OR2L13: variants seen among roughly 807,000 people sequenced by gnomAD.
OR2L13 encodes olfactory receptor 2L13.
In OR2L13, 14 loss-of-function variants were observed where a neutral mutation model predicts 15.3. That is an observed-to-expected ratio of 0.91 (90% confidence interval 0.60 to 1.43). The LOEUF (loss-of-function observed/expected upper bound fraction) is 1.43. OR2L13 is among the 40% of genes most tolerant of loss of function. The pLI, the probability that OR2L13 is intolerant of heterozygous loss-of-function variation, is 0.00. For synonymous variants in OR2L13, 152 were observed against 142.9 expected (o/e 1.06, Z -0.45); for missense variants, 367 against 387.9 (o/e 0.95, Z 0.45).
upstream of OR2L13, among the ~76,000 whole-genome samples, chr1:248,094,495 G>A (rs766828850): frequency 6.6e-6 from 1 of 152,150 alleles, no homozygotes; most frequent in Non-Finnish European, 1.5e-5. Context: ...TAGTCCAGTT[G>A]TAAAGATTAG....
At chr1:248,100,763 T>C (rs1293714961) in exon 3 of OR2L13, 1 of 168,090 alleles carries the variant, frequency 5.9e-6, no homozygotes, top group African/African-American at 2.4e-5. Flanking sequence ...TCAGTGTCTA[T>C]AGTGTTGGAC....
At chr1:248,044,519 C>T in the OR2L13 span, among the ~76,000 whole-genome samples, 1 of 128,654 alleles carries the variant, frequency 7.8e-6, no homozygotes, top group East Asian at 2.2e-4. Context: ...AAACGCCTTC[C>T]CCGGCCGGGC....
the OR2L13 span, among the ~76,000 whole-genome samples, chr1:247,988,827 C>T: frequency 5.1e-3 from 774 of 152,282 alleles, 8 homozygotes; most frequent in African/African-American, 0.018. Context: ...CAAACCCCTT[C>T]TTTTGAAGGA....
the OR2L13 span, among the ~76,000 whole-genome samples, chr1:248,014,959 G>C: frequency 6.4e-4 from 97 of 152,132 alleles, no homozygotes; most frequent in Middle Eastern, 6.8e-3. Context: ...ACAGTCAAAG[G>C]ATACTTCATA....
the OR2L13 span, chr1:247,949,438 A>G: frequency 3.4e-5 from 55 of 1,595,086 alleles, no homozygotes; most frequent in Non-Finnish European, 4.3e-5. Context: ...ACCTGGGTCT[A>G]TGAGGGCACA....
At chr1:247,963,454 C>T in the OR2L13 span, among the ~76,000 whole-genome samples, 1 of 152,146 alleles carries the variant, frequency 6.6e-6, no homozygotes, top group Non-Finnish European at 1.5e-5. Flanking sequence ...TTTACCACAT[C>T]CTGTTTTATC....
chr1:247,947,736 T>A, the OR2L13 span, among the ~76,000 whole-genome samples: 1 of 152,068 alleles, frequency 6.6e-6, no homozygotes, highest in Non-Finnish European at 1.5e-5. Flanking sequence ...ATATTGAAAA[T>A]CAAGAGTGTG....
At chr1:248,096,409 G>C (rs910565977), upstream of OR2L13, among the ~76,000 whole-genome samples, 13 of 151,732 alleles carry the variant, frequency 8.6e-5, no homozygotes, top group Non-Finnish European at 2.9e-5. Context: ...AAAACCAAGA[G>C]TGAACTAAAA....
chr1:247,989,031 G>A, the OR2L13 span, among the ~76,000 whole-genome samples: 1 of 152,064 alleles, frequency 6.6e-6, no homozygotes, highest in Non-Finnish European at 1.5e-5. Flanking sequence ...CGTGAACAGA[G>A]ACATGGAAGG....
the OR2L13 span, among the ~76,000 whole-genome samples, chr1:247,999,154 T>A: frequency 6.6e-6 from 1 of 152,082 alleles, no homozygotes. Context: ...AACTACAGGG[T>A]CAGACATTCA....
At chr1:248,068,203 TCCCTGAC>T in the OR2L13 span, among the ~76,000 whole-genome samples, 4 of 152,072 alleles carry the variant, frequency 2.6e-5, no homozygotes, top group African/African-American at 4.8e-5. Flanking sequence ...CTCAAGTGGG[TCCCTGAC>T]CCCTGACCCC....
the OR2L13 span, among the ~76,000 whole-genome samples, chr1:248,035,034 A>C: frequency 4.0e-5 from 6 of 151,360 alleles, no homozygotes; most frequent in African/African-American, 1.5e-4. Context: ...AATTAAGATA[A>C]CATATTTATC....
chr1:247,996,691 A>T, the OR2L13 span, among the ~76,000 whole-genome samples: 1 of 152,114 alleles, frequency 6.6e-6, no homozygotes, highest in Non-Finnish European at 1.5e-5. Context: ...TTTTTACAGA[A>T]ATTCCCTTGA....
chr1:248,046,080 C>T, the OR2L13 span, among the ~76,000 whole-genome samples: 4 of 151,920 alleles, frequency 2.6e-5, no homozygotes, highest in South Asian at 2.1e-4. Context: ...GTAAGAAATT[C>T]GAGAACATTT....
At chr1:247,940,731 C>CATGT in the OR2L13 span, among the ~76,000 whole-genome samples, 6 of 147,076 alleles carry the variant, frequency 4.1e-5, 1 homozygote, top group Non-Finnish European at 6.0e-5. Flanking sequence ...TGCATACGTG[C>CATGT]GTGTGTGTGT....
At chr1:248,101,134 A>C (rs1031436980), downstream of OR2L13, 1 of 152,172 alleles carries the variant, frequency 6.6e-6, no homozygotes, top group Non-Finnish European at 1.5e-5. Context: ...ATACATAAAA[A>C]TTAATAAAAT....
At chr1:247,949,378 A>G in the OR2L13 span, 39 of 1,614,066 alleles carry the variant, frequency 2.4e-5, no homozygotes, top group African/African-American at 1.5e-4. Context: ...AGGGCCATCA[A>G]TCATTTCTTC....
chr1:248,071,879 T>G, the OR2L13 span, among the ~76,000 whole-genome samples: 1 of 151,476 alleles, frequency 6.6e-6, no homozygotes, highest in Non-Finnish European at 1.5e-5. Context: ...CATTCACAAT[T>G]GCTTCAAAGA....
the OR2L13 span, among the ~76,000 whole-genome samples, chr1:247,978,979 T>C: frequency 6.6e-6 from 1 of 152,076 alleles, no homozygotes; most frequent in Non-Finnish European, 1.5e-5. Context: ...CCCACATGTG[T>C]TTACAGGATC....
Sources: allele counts gnomAD v4.1 joint callset (sites outside exome capture counted in the v4.1 genomes callset), GRCh38; gene constraint gnomAD v4.1.1; transcripts MANE v1.5; gene names NCBI Gene and HGNC (gene_info 2026-07-23, HGNC 2026-07-21).